Variants in DRD3 observed in about 807,000 individuals in gnomAD.
The protein encoded by DRD3 is dopamine receptor D3, also known as D(3) dopamine receptor.
In DRD3, 19 loss-of-function variants were observed where a neutral mutation model predicts 36.3. The observed-to-expected ratio is 0.52, with a 90% confidence interval of 0.36 to 0.77. The LOEUF (loss-of-function observed/expected upper bound fraction) is 0.77. Among genes scored for constraint, DRD3 ranks in the 30% least tolerant of loss-of-function variants. The pLI, the probability that DRD3 is intolerant of heterozygous loss-of-function variation, is 0.00. For synonymous variants in DRD3, 195 were observed against 203.7 expected (o/e 0.96, Z 0.36); for missense variants, 465 against 505.3 (o/e 0.92, Z 0.77).
intron 2 of DRD3, among the ~76,000 whole-genome samples, chr3:114,162,347 A>C (rs1339414645): frequency 6.6e-6 from 1 of 152,194 alleles, no homozygotes; most frequent in Non-Finnish European, 1.5e-5. Flanking sequence ...GTGTTCTTAA[A>C]GCTTTTTGAA....
chr3:114,163,740 C>A (rs553312022), intron 2 of DRD3, among the ~76,000 whole-genome samples: 2 of 152,068 alleles, frequency 1.3e-5, no homozygotes, highest in South Asian at 4.2e-4. Context: ...TGTTTTTGTT[C>A]CCAGGATCTC....
intron 3 of DRD3, 44 bp from the exon 4 acceptor site, chr3:114,147,601 T>G (rs760420596): frequency 1.3e-6 from 2 of 1,586,820 alleles, no homozygotes; most frequent in Non-Finnish European, 1.7e-6. Flanking sequence ...TGAGATGGAA[T>G]GGGGTACTTT....
chr3:114,141,645 C>T (rs1304186960), intron 4 of DRD3, among the ~76,000 whole-genome samples: 1 of 151,874 alleles, frequency 6.6e-6, no homozygotes, highest in Admixed American at 6.6e-5. Context: ...GACATCTTTG[C>T]CACTAGAATC....
At chr3:114,190,462 ATTTTTTTTTTTTTTTTTTTTTTTTTTT>A (rs55938654) in intron 1 of DRD3, among the ~76,000 whole-genome samples, 115 of 8,028 alleles carry the variant, frequency 0.014, no homozygotes, top group South Asian at 0.03. Flanking sequence ...ATATATATAT[ATTTTTTTTTTTTTTTTTTTTTTTTTTT>A]TTTTTTTTTT....
Position 114,129,300 on chromosome 3 carries a change from G to A in DRD3, c.1007-388C>T, listed in dbSNP as rs573700587. 3.2e-4 allele frequency among the ~76,000 whole-genome samples: 49 copies of A among 152,072 alleles called. 1 individual carries two copies. In the East Asian group the frequency reaches 7.4e-3, roughly 23 times the overall value. On this transcript the variant is annotated intron_variant, in intron 6 of 6. Coordinates refer to ENST00000383673, the MANE Select transcript of DRD3 (RefSeq NM_000796.6). The stretch of plus-strand genomic sequence containing the variant: ...AGAGGTTGTGGTGAGCCAAGATTGC[G>A]CCATTGCACTCCGGCCTGGGTGACA...
At chr3:114,180,156 G>C (rs1014983345), upstream of DRD3, among the ~76,000 whole-genome samples, 2 of 151,900 alleles carry the variant, frequency 1.3e-5, no homozygotes, top group South Asian at 4.2e-4. Flanking sequence ...ATGTCAGAGA[G>C]AATAATAATT....
At chr3:114,162,666 T>C (rs1392593993) in intron 2 of DRD3, among the ~76,000 whole-genome samples, 2 of 152,122 alleles carry the variant, frequency 1.3e-5, no homozygotes, top group African/African-American at 4.8e-5. Context: ...TCTAAAAGCT[T>C]AGAAAGAATA....
chr3:114,157,566 A>T (rs1201597461), intron 3 of DRD3, among the ~76,000 whole-genome samples: 1 of 152,086 alleles, frequency 6.6e-6, no homozygotes, highest in Non-Finnish European at 1.5e-5. Flanking sequence ...GGCCCCCTCA[A>T]TTGGCCCAGT....
intron 2 of DRD3, among the ~76,000 whole-genome samples, chr3:114,171,025 A>G (rs967490964): frequency 3.9e-5 from 6 of 152,182 alleles, no homozygotes; most frequent in East Asian, 1.9e-4. Flanking sequence ...TGCACTCCCA[A>G]TTGAAAATAC....
intron 4 of DRD3, among the ~76,000 whole-genome samples, chr3:114,142,670 T>A (rs2077536199): frequency 1.3e-5 from 2 of 152,274 alleles, no homozygotes; most frequent in South Asian, 4.2e-4. Flanking sequence ...TACATATAAG[T>A]ATGTATGTAT....
upstream of DRD3, among the ~76,000 whole-genome samples, chr3:114,179,313 G>A (rs2077932448): frequency 2.0e-5 from 3 of 152,106 alleles, no homozygotes; most frequent in South Asian, 4.1e-4. Context: ...TGAACTTGGA[G>A]GTGTAAGCCT....
chr3:114,136,334 A>T (rs2077474492), intron 5 of DRD3, among the ~76,000 whole-genome samples: 1 of 152,152 alleles, frequency 6.6e-6, no homozygotes, highest in Admixed American at 6.5e-5. Flanking sequence ...TTCCAAGATT[A>T]TATATTGGTG....
intron 4 of DRD3, among the ~76,000 whole-genome samples, chr3:114,143,071 A>G (rs7642583): frequency 0.035 from 5,337 of 152,352 alleles, 308 homozygotes; most frequent in African/African-American, 0.12. Context: ...AGGTAAGGAA[A>G]GCTGTAATGC....
chr3:114,159,643 G>A, intron 3 of DRD3, 112 bp downstream of exon 3: 1 of 753,052 alleles, frequency 1.3e-6, no homozygotes, highest in South Asian at 1.7e-5. Context: ...GAAAGAAAAT[G>A]TTCCAGTGTC....
At chr3:114,195,358 G>A (rs1218990262) in intron 1 of DRD3, among the ~76,000 whole-genome samples, 1 of 152,194 alleles carries the variant, frequency 6.6e-6, no homozygotes, top group Non-Finnish European at 1.5e-5. Flanking sequence ...GGGATGTCTG[G>A]CTGATATTGT....
chr3:114,146,385 G>C (rs552046429), intron 4 of DRD3, among the ~76,000 whole-genome samples: 21 of 152,166 alleles, frequency 1.4e-4, no homozygotes, highest in Non-Finnish European at 2.9e-4. Flanking sequence ...TACCCATCAT[G>C]TTACTATGTG....
intron 4 of DRD3, among the ~76,000 whole-genome samples, chr3:114,145,027 G>A (rs1453802284): frequency 6.6e-6 from 1 of 152,148 alleles, no homozygotes; most frequent in Non-Finnish European, 1.5e-5. Flanking sequence ...TCTAATGTCA[G>A]CTTTTGAGAT....
chr3:114,137,810 T>C (rs1325623673), intron 5 of DRD3, among the ~76,000 whole-genome samples: 2 of 143,386 alleles, frequency 1.4e-5, no homozygotes, highest in Non-Finnish European at 3.0e-5. Flanking sequence ...GCTAACACAG[T>C]GAAACCCCGT....
intron 5 of DRD3, among the ~76,000 whole-genome samples, chr3:114,131,630 C>T (rs1206015493): frequency 6.6e-6 from 1 of 152,172 alleles, no homozygotes; most frequent in Non-Finnish European, 1.5e-5. Context: ...AGTGAACAGG[C>T]AGCCTACAGA....
Sources: gnomAD v4.1 joint callset for allele counts (sites outside exome capture counted in the v4.1 genomes callset) on GRCh38, gnomAD v4.1.1 for gene constraint, MANE v1.5 for transcripts, NCBI Gene and HGNC (gene_info 2026-07-23, HGNC 2026-07-21) for gene names.